ZNF385D: variants seen among roughly 807,000 people sequenced by gnomAD.
ZNF385D encodes zinc finger protein 659.
In ZNF385D, 15 loss-of-function variants were observed where a neutral mutation model predicts 35.8. The ratio of observed to expected loss-of-function variants is 0.42; its 90% CI spans 0.28 to 0.64. ZNF385D has a LOEUF of 0.64. ZNF385D is among the 30% of genes least tolerant of loss of function. ZNF385D has a pLI of 0.23. For missense variants in ZNF385D, 474 were observed against 494.6 expected (o/e 0.96, Z 0.39); for synonymous variants, 212 against 186.8 (o/e 1.13, Z -1.10).
At chr3:22,127,110 TCTTA>T (rs1157193708) in intron 3 of ZNF385D, among the ~76,000 whole-genome samples, 2 of 151,994 alleles carry the variant, frequency 1.3e-5, no homozygotes, top group African/African-American at 4.8e-5. Flanking sequence ...GATCATTAGG[TCTTA>T]CTTTTTATCC....
chr3:21,953,875 C>T (rs539299706), intron 3 of ZNF385D, among the ~76,000 whole-genome samples: 1 of 152,108 alleles, frequency 6.6e-6, no homozygotes, highest in South Asian at 2.1e-4. Context: ...TACACACACA[C>T]AATGAAGGCA....
chr3:21,457,859 C>G (rs1702917360), intron 4 of ZNF385D, among the ~76,000 whole-genome samples: 1 of 152,148 alleles, frequency 6.6e-6, no homozygotes, highest in African/African-American at 2.4e-5. Context: ...CAAAGGCCAA[C>G]AGCTAAATTA....
chr3:22,043,824 GCT>G (rs144252594), intron 3 of ZNF385D, among the ~76,000 whole-genome samples: 292 of 152,154 alleles, frequency 1.9e-3, no homozygotes, highest in African/African-American at 6.7e-3. Context: ...AATCTTGCTT[GCT>G]CTCTCTCTGA....
chr3:21,549,430 A>G (rs982752717), intron 3 of ZNF385D, among the ~76,000 whole-genome samples: 16 of 152,204 alleles, frequency 1.1e-4, no homozygotes, highest in Non-Finnish European at 1.8e-4. Flanking sequence ...GTTATCTGAG[A>G]ATTCCTCACA....
intron 2 of ZNF385D, among the ~76,000 whole-genome samples, chr3:22,193,387 A>G (rs912063437): frequency 7.4e-5 from 11 of 148,876 alleles, no homozygotes; most frequent in African/African-American, 2.2e-4. Flanking sequence ...AATAGATCAA[A>G]AAAATTAAAA....
chr3:21,430,509 C>T (rs1393904921), intron 5 of ZNF385D, among the ~76,000 whole-genome samples: 1 of 152,018 alleles, frequency 6.6e-6, no homozygotes, highest in African/African-American at 2.4e-5. Context: ...GGCTGAGGGA[C>T]CCAATGGGCA....
chr3:21,808,137 G>A (rs935662806), intron 3 of ZNF385D, among the ~76,000 whole-genome samples: 2 of 152,134 alleles, frequency 1.3e-5, no homozygotes, highest in East Asian at 3.9e-4. Flanking sequence ...CAAAATAGTA[G>A]TGACACAGGA....
chr3:21,584,368 G>T (rs1172200905), intron 2 of ZNF385D, among the ~76,000 whole-genome samples: 2 of 152,140 alleles, frequency 1.3e-5, no homozygotes. Context: ...GTCTGTGAGT[G>T]ACTTTAAAAT....
intron 3 of ZNF385D, among the ~76,000 whole-genome samples, chr3:21,758,292 T>C (rs539419687): frequency 5.3e-5 from 8 of 152,192 alleles, no homozygotes; most frequent in Non-Finnish European, 7.3e-5. Flanking sequence ...TCCTAGAACA[T>C]AGCAGAAATG....
At chr3:22,214,084 C>G (rs1005760071) in intron 2 of ZNF385D, among the ~76,000 whole-genome samples, 5 of 152,050 alleles carry the variant, frequency 3.3e-5, no homozygotes, top group African/African-American at 1.2e-4. Flanking sequence ...AACGGAGGGA[C>G]TGGCTGAAGC....
chr3:21,880,161 T>C lies in ZNF385D; in HGVS notation c.326-215133A>G, dbSNP rs569971216. Among the ~76,000 whole-genome samples, 3 of 152,050 alleles carry C rather than the reference T, an allele frequency of 2.0e-5. No homozygotes were observed. In the South Asian group the frequency reaches 6.2e-4, roughly 32 times the overall value. On this transcript the variant is annotated intron_variant, in intron 3 of 5. Transcript: ENST00000494108. The stretch of plus-strand genomic sequence containing the variant: ...GAAGCATAAAATGACTATAAAAGAA[T>C]GATTTTGTTACAAAAAAAGTGATCT...
At chr3:22,029,830 G>A (rs529812800) in intron 3 of ZNF385D, among the ~76,000 whole-genome samples, 17 of 152,038 alleles carry the variant, frequency 1.1e-4, no homozygotes, top group African/African-American at 2.4e-4. Flanking sequence ...GTATGATCTC[G>A]GGAGATGTGT....
chr3:21,779,494 A>G (rs11915544), intron 3 of ZNF385D, among the ~76,000 whole-genome samples: 47,900 of 151,922 alleles, frequency 0.32, 7,831 homozygotes, highest in Non-Finnish European at 0.35. Flanking sequence ...TATATTTTGG[A>G]TGTAATAAAA....
intron 3 of ZNF385D, among the ~76,000 whole-genome samples, chr3:21,843,168 C>T (rs1440855545): frequency 2.0e-5 from 3 of 151,994 alleles, no homozygotes; most frequent in Non-Finnish European, 4.4e-5. Context: ...ACAGGACAAT[C>T]ATTGTGTGGG....
At chr3:22,301,217 G>T (rs958697683) in intron 2 of ZNF385D, among the ~76,000 whole-genome samples, 1 of 152,012 alleles carries the variant, frequency 6.6e-6, no homozygotes, top group Non-Finnish European at 1.5e-5. Context: ...CTTATATATG[G>T]AATCTTAAGA....
rs867602737 is a variant in ZNF385D, at chr3:22,164,247, T to G, written c.325+4570A>C. Among the ~76,000 whole-genome samples the G allele has an allele frequency of 5.1e-3, 474 of 93,468 alleles. 8 individuals are homozygous for G. The highest frequency in any genetic ancestry group is 0.028 in the African/African-American group (458 of 16,646). 61.3% of individuals were successfully genotyped at this position (93,468 alleles called of 152,430 possible). A position where few individuals can be genotyped will look rare whatever the true frequency, so the allele number is the denominator to read the frequency against. On this transcript the variant is annotated intron_variant, in intron 3 of 5. Coordinates refer to the ZNF385D transcript ENST00000494108. ...TTTTTTTTTTTTTTTTTTTTTTTTT[T>G]GAGACGGGGTCTCACTCTGTTGCCA...
At chr3:21,598,873 C>A (rs764458294) in intron 2 of ZNF385D, among the ~76,000 whole-genome samples, 24 of 152,210 alleles carry the variant, frequency 1.6e-4, no homozygotes, top group Non-Finnish European at 2.4e-4. Flanking sequence ...AGAAGTTCAC[C>A]ATTCCCTTAT....
chr3:22,023,296 C>T (rs1483279026), intron 3 of ZNF385D, among the ~76,000 whole-genome samples: 2 of 152,118 alleles, frequency 1.3e-5, no homozygotes, highest in Admixed American at 1.3e-4. Context: ...ATGCTTGGTG[C>T]CACCAATTAG....
At position 22,002,334 on chromosome 3, in the gene ZNF385D, A is replaced by G. The variant is rs12108057; in HGVS notation, c.325+166483T>C. On this transcript the variant is annotated intron_variant, in intron 3 of 5. Coordinates refer to the ZNF385D transcript ENST00000494108. ...AACAAGTATATGCTAACAAATTGGA[A>G]AACCTAGAGCAAACAGATAAATTCC... 6.9e-3 allele frequency among the ~76,000 whole-genome samples: 1,052 copies of G among 152,280 alleles called. 16 individuals are homozygous for G. The highest frequency in any genetic ancestry group is 0.024 in the African/African-American group (994 of 41,574).
Sources: gnomAD v4.1 joint callset for allele counts (sites outside exome capture counted in the v4.1 genomes callset) on GRCh38, gnomAD v4.1.1 for gene constraint, MANE v1.5 for transcripts, NCBI Gene and HGNC (gene_info 2026-07-23, HGNC 2026-07-21) for gene names.